SLC25A48: variants seen among roughly 807,000 people sequenced by gnomAD.
SLC25A48 encodes CTC-321K16.1.
Under a neutral mutation model 32.2 loss-of-function variants are expected in SLC25A48, and 29 were observed. The observed-to-expected ratio is 0.90, with a 90% confidence interval of 0.67 to 1.23. The LOEUF (loss-of-function observed/expected upper bound fraction) is 1.23. Ranked by LOEUF, SLC25A48 falls within the 50% of genes most tolerant of loss-of-function variation. The pLI is 0.00. For missense variants in SLC25A48, 399 were observed against 422.7 expected, an observed-to-expected ratio of 0.94 and a Z score of 0.49; for synonymous variants, 164 against 172.3, an observed-to-expected ratio of 0.95 and a Z score of 0.38.
At chr5:135,830,750 A>C (rs1287636290), upstream of SLC25A48, among the ~76,000 whole-genome samples, 1 of 152,212 alleles carries the variant, frequency 6.6e-6, no homozygotes, top group Non-Finnish European at 1.5e-5. Flanking sequence ...AAACACTCAA[A>C]GAAGAAAGAC....
intron 3 of SLC25A48, among the ~76,000 whole-genome samples, chr5:135,661,617 G>A (rs1051334140): frequency 2.4e-4 from 37 of 152,058 alleles, no homozygotes; most frequent in African/African-American, 8.9e-4. Context: ...TCCCTCCCCG[G>A]TCCTTTTCTC....
chr5:135,808,995 T>C (rs1757532509), intron 3 of SLC25A48, among the ~76,000 whole-genome samples: 1 of 152,080 alleles, frequency 6.6e-6, no homozygotes, highest in South Asian at 2.1e-4. Flanking sequence ...GAGGAAAGTT[T>C]CTTGGTATAA....
chr5:135,593,823 C>A (rs1751583085), intron 1 of SLC25A48, among the ~76,000 whole-genome samples: 1 of 152,188 alleles, frequency 6.6e-6, no homozygotes, highest in African/African-American at 2.4e-5. Context: ...GACAAACGTT[C>A]TGAAATGGGA....
intron 3 of SLC25A48, among the ~76,000 whole-genome samples, chr5:135,708,130 T>C (rs1754565036): frequency 6.6e-6 from 1 of 152,184 alleles, no homozygotes; most frequent in African/African-American, 2.4e-5. Flanking sequence ...GGGATAGGGA[T>C]ATAGATTCTA....
chr5:135,754,665 A>G (rs1755851931), intron 3 of SLC25A48, among the ~76,000 whole-genome samples: 2 of 151,984 alleles, frequency 1.3e-5, no homozygotes, highest in Admixed American at 6.6e-5. Context: ...GTGTTTATAC[A>G]CCATGATATT....
At chr5:135,740,749 T>C (rs868152) in intron 3 of SLC25A48, among the ~76,000 whole-genome samples, 37,045 of 152,138 alleles carry the variant, frequency 0.24, 4,974 homozygotes, top group East Asian at 0.46. Context: ...GGTGGACAGA[T>C]GCTGGGGTGG....
intron 1 of SLC25A48, among the ~76,000 whole-genome samples, chr5:135,620,425 C>T (rs1237852338): frequency 1.3e-5 from 2 of 152,122 alleles, no homozygotes; most frequent in Non-Finnish European, 2.9e-5. Context: ...TATAAGCATG[C>T]ACAGGTAGGG....
At chr5:135,650,845 C>G (rs1753095111) in intron 3 of SLC25A48, among the ~76,000 whole-genome samples, 1 of 151,982 alleles carries the variant, frequency 6.6e-6, no homozygotes, top group African/African-American at 2.4e-5. Flanking sequence ...TTTTTGCTTC[C>G]TGATTGCTTT....
intron 3 of SLC25A48, among the ~76,000 whole-genome samples, chr5:135,851,745 C>T (rs988462557): frequency 1.3e-5 from 2 of 152,164 alleles, no homozygotes; most frequent in African/African-American, 2.4e-5. Flanking sequence ...TTTGATTTGG[C>T]ACGCGTGTGC....
In SLC25A48 at chr5:135,588,454, G is replaced by A. The variant is rs184148610; in HGVS notation, c.-849+8857G>A. Among the ~76,000 whole-genome samples, 9 of 152,344 alleles carry A rather than the reference G, an allele frequency of 5.9e-5. No homozygotes were observed. In the East Asian group the frequency reaches 9.6e-4, roughly 16 times the overall value. ...CCTTGCTGAGTGCCTGCTCTGTGCC[G>A]GGGTTGCAGGGCTGCGGGGGCTGCG... On this transcript the variant is annotated intron_variant, in intron 1 of 10. Transcript: ENST00000646290.
At chr5:135,615,180 G>A (rs1271679853) in intron 1 of SLC25A48, among the ~76,000 whole-genome samples, 2 of 152,204 alleles carry the variant, frequency 1.3e-5, no homozygotes, top group Non-Finnish European at 2.9e-5. Context: ...CTGAAAATGT[G>A]GAAGCAACTT....
At chr5:135,798,292 G>A (rs184316633) in intron 3 of SLC25A48, among the ~76,000 whole-genome samples, 112 of 151,956 alleles carry the variant, frequency 7.4e-4, no homozygotes, top group African/African-American at 2.5e-3. Flanking sequence ...GAAAGAGGAT[G>A]ATATTACTCC....
At position 135,797,066 on chromosome 5, in the gene SLC25A48, C is replaced by T. The variant is rs938188528; in HGVS notation, c.-520-15457C>T. Reference sequence around the variant, plus strand: ...ATATCGAGAGGGGTCTACATCCCTTCTGTGATATTGTTCCTAATATGCGAA... The same window carrying T: ...ATATCGAGAGGGGTCTACATCCCTTTTGTGATATTGTTCCTAATATGCGAA... On this transcript the variant is annotated intron_variant, in intron 3 of 10. Coordinates refer to the SLC25A48 transcript ENST00000646290. Among the ~76,000 whole-genome samples the T allele has an allele frequency of 2.6e-5, 4 of 151,900 alleles. No homozygotes were observed. In the South Asian group the frequency reaches 8.3e-4, roughly 32 times the overall value.
At chr5:135,876,854 C>T (rs1250082392) in intron 6 of SLC25A48, among the ~76,000 whole-genome samples, 1 of 152,128 alleles carries the variant, frequency 6.6e-6, no homozygotes, top group Non-Finnish European at 1.5e-5. Flanking sequence ...AGGATTCCTC[C>T]AGTGCCCCAG....
intron 7 of SLC25A48, among the ~76,000 whole-genome samples, chr5:135,884,112 GA>G (rs774883773): frequency 1.2e-4 from 19 of 152,198 alleles, no homozygotes; most frequent in Non-Finnish European, 2.5e-4. Context: ...CCCAGTGAAG[GA>G]AATGTCCTCA....
intron 3 of SLC25A48, among the ~76,000 whole-genome samples, chr5:135,735,688 T>C (rs1222271596): frequency 6.6e-6 from 1 of 152,154 alleles, no homozygotes; most frequent in African/African-American, 2.4e-5. Flanking sequence ...GAGCCAGCGG[T>C]TGTCAGTGTG....
intron 3 of SLC25A48, among the ~76,000 whole-genome samples, chr5:135,712,121 A>C (rs753501489): frequency 5.3e-5 from 8 of 152,188 alleles, no homozygotes; most frequent in Non-Finnish European, 1.2e-4. Context: ...GTTTTCTTTC[A>C]GTGGGATTGT....
intron 3 of SLC25A48, among the ~76,000 whole-genome samples, chr5:135,708,811 C>T (rs370010706): frequency 2.0e-5 from 3 of 152,232 alleles, no homozygotes; most frequent in East Asian, 3.9e-4. Context: ...TGAGAGAGAG[C>T]GAGTGAGTGA....
chr5:135,702,478 TG>T (rs1183249078), intron 3 of SLC25A48, among the ~76,000 whole-genome samples: 1 of 152,250 alleles, frequency 6.6e-6, no homozygotes, highest in Non-Finnish European at 1.5e-5. Context: ...GATTCTTCCC[TG>T]GGACCTTCAG....
Sources: gnomAD v4.1 joint callset for allele counts (sites outside exome capture counted in the v4.1 genomes callset) on GRCh38, gnomAD v4.1.1 for gene constraint, MANE v1.5 for transcripts, NCBI Gene and HGNC (gene_info 2026-07-23, HGNC 2026-07-21) for gene names.